The following PDGFC variants were observed in gnomAD, a reference collection of about 807,000 sequenced individuals.
The protein encoded by PDGFC is platelet-derived growth factor C.
In PDGFC, 12 loss-of-function variants were observed where a neutral mutation model predicts 35.5. That is an observed-to-expected ratio of 0.34 (90% CI 0.22 to 0.55). The LOEUF (loss-of-function observed/expected upper bound fraction) is 0.55. Ranked by LOEUF, PDGFC falls within the 20% of genes least tolerant of loss-of-function variation. The pLI is 0.91. For missense variants in PDGFC, 322 were observed against 412.4 expected (o/e 0.78, Z 1.90); for synonymous variants, 159 against 148.8 (o/e 1.07, Z -0.50).
intron 1 of PDGFC, among the ~76,000 whole-genome samples, chr4:156,964,852 G>A (rs998048264): frequency 1.3e-5 from 2 of 152,144 alleles, no homozygotes; most frequent in African/African-American, 4.8e-5. Context: ...CACACATGTT[G>A]CTGAGTTCTA....
At position 156,920,644 on chromosome 4, in the gene PDGFC, A is replaced by AACACACAC. The variant is rs10611712; in HGVS notation, c.118+50134_118+50141dup. Among the ~76,000 whole-genome samples the AACACACAC allele has an allele frequency of 5.5e-4, 73 of 132,046 alleles. 2 individuals are homozygous for AACACACAC. The East Asian group carries it at 0.011, about 19-fold the overall frequency. The allele number at this position is 132,046 out of a possible 152,430, so 86.6% of individuals were successfully genotyped here. A position where few individuals can be genotyped will look rare whatever the true frequency, so the allele number is the denominator to read the frequency against. On this transcript the variant is annotated intron_variant, in intron 1 of 5. Coordinates refer to ENST00000502773, the MANE Select transcript of PDGFC (RefSeq NM_016205.3). The stretch of plus-strand genomic sequence containing the variant: ...TTAGAAAAGCTTAACAGGAAAAGAA[A>AACACACAC]ACACACACACACACACACACACACA...
intron 1 of PDGFC, among the ~76,000 whole-genome samples, chr4:156,950,726 A>C (rs886914159): frequency 6.6e-6 from 1 of 151,850 alleles, no homozygotes; most frequent in Non-Finnish European, 1.5e-5. Context: ...AAATCAGAAA[A>C]AAAATCTATT....
At chr4:156,964,861 T>C (rs753374274) in intron 1 of PDGFC, among the ~76,000 whole-genome samples, 1 of 152,196 alleles carries the variant, frequency 6.6e-6, no homozygotes, top group African/African-American at 2.4e-5. Flanking sequence ...TGCTGAGTTC[T>C]AGCCTGTGCA....
intron 1 of PDGFC, among the ~76,000 whole-genome samples, chr4:156,871,415 A>T (rs1021917686): frequency 5.3e-5 from 8 of 152,180 alleles, no homozygotes; most frequent in Non-Finnish European, 1.0e-4. Flanking sequence ...TTTGATTTCC[A>T]AATTTGACTG....
At chr4:156,824,327 T>TATATATACACATATACACATAC (rs1491500876) in intron 2 of PDGFC, among the ~76,000 whole-genome samples, 98 of 102,688 alleles carry the variant, frequency 9.5e-4, no homozygotes, top group South Asian at 5.2e-3. Flanking sequence ...TATATATATA[T>TATATATACACATATACACATAC]ACACACACAC....
chr4:156,950,905 T>C (rs1225477974), intron 1 of PDGFC, among the ~76,000 whole-genome samples: 4 of 152,012 alleles, frequency 2.6e-5, no homozygotes, highest in Admixed American at 6.6e-5. Context: ...TTTTTCTTCA[T>C]GTAAAAATTC....
At chr4:156,891,590 C>A (rs1730512252) in intron 1 of PDGFC, among the ~76,000 whole-genome samples, 1 of 152,146 alleles carries the variant, frequency 6.6e-6, no homozygotes, top group Admixed American at 6.5e-5. Flanking sequence ...TCCTGAAAGT[C>A]TTAGGAAGTG....
intron 2 of PDGFC, among the ~76,000 whole-genome samples, chr4:156,849,072 A>G (rs1368041683): frequency 6.6e-6 from 1 of 152,068 alleles, no homozygotes; most frequent in African/African-American, 2.4e-5. Context: ...TATATAAAAA[A>G]AGACAAGAGG....
At chr4:156,835,426 A>C (rs1729039962) in intron 2 of PDGFC, among the ~76,000 whole-genome samples, 1 of 152,180 alleles carries the variant, frequency 6.6e-6, no homozygotes, top group Admixed American at 6.5e-5. Context: ...ATATTATTTA[A>C]ACTTTTATAT....
In PDGFC at chr4:156,971,303, C is replaced by G. The variant is rs1044709393; in HGVS notation, c.-400G>C. On this transcript the variant is annotated 5_prime_UTR_variant, in exon 1 of 6. Coordinates refer to ENST00000502773, the MANE Select transcript of PDGFC (RefSeq NM_016205.3). ...GGGGGACAGGACAGAGGCGAAAACT[C>G]AAGGGTTGCCCGCAGCCAGACTGGA... is the stretch of plus-strand genomic sequence containing the variant. The G allele has an allele frequency of 6.2e-5, 25 of 401,168 alleles. No homozygotes were observed. Among genetic ancestry groups the G allele is most frequent in the Admixed American group, 2.6e-4 (6 of 23,252 alleles). 24.9% of individuals were successfully genotyped at this position (401,168 alleles called of 1,614,324 possible).
chr4:156,951,070 C>T (rs1191802893), intron 1 of PDGFC, among the ~76,000 whole-genome samples: 2 of 151,820 alleles, frequency 1.3e-5, no homozygotes, highest in African/African-American at 4.8e-5. Context: ...CTTCTTACAC[C>T]CTTCTCTTCA....
At chr4:156,867,182 T>C (rs1729865477) in intron 1 of PDGFC, among the ~76,000 whole-genome samples, 1 of 152,232 alleles carries the variant, frequency 6.6e-6, no homozygotes, top group Non-Finnish European at 1.5e-5. Context: ...AAATTTTTAA[T>C]AAATCATGTA....
intron 1 of PDGFC, among the ~76,000 whole-genome samples, chr4:156,932,567 TA>T (rs1046224431): frequency 1.7e-3 from 260 of 151,362 alleles, no homozygotes; most frequent in African/African-American, 5.9e-3. Flanking sequence ...TATGCAGCCA[TA>T]AAAAATGATG....
At chr4:156,921,328 G>T (rs115471079) in intron 1 of PDGFC, among the ~76,000 whole-genome samples, 292 of 152,204 alleles carry the variant, frequency 1.9e-3, no homozygotes, top group African/African-American at 6.1e-3. Flanking sequence ...CAGAACAACA[G>T]ATAATCAGAG....
intron 2 of PDGFC, among the ~76,000 whole-genome samples, chr4:156,827,196 A>T (rs771781371): frequency 3.9e-5 from 6 of 152,142 alleles, no homozygotes; most frequent in Admixed American, 2.0e-4. Flanking sequence ...GGTGGGCGGA[A>T]CACGAGGTCA....
At position 156,926,371 on chromosome 4, in the gene PDGFC, A is replaced by AGGG. The variant is rs576858598; in HGVS notation, c.118+44412_118+44414dup. On this transcript the variant is annotated intron_variant, in intron 1 of 5. Transcript: ENST00000502773. ...GACAAAACCATAAAAATGATACAGG[A>AGGG]GGGGAGGAGGGAAGTACTGGGTAGA... Among the ~76,000 whole-genome samples the AGGG allele has an allele frequency of 3.5e-3, 527 of 152,182 alleles. 4 individuals are homozygous for AGGG. The highest frequency in any genetic ancestry group is 0.012 in the African/African-American group (495 of 41,544).
intron 2 of PDGFC, among the ~76,000 whole-genome samples, chr4:156,841,104 G>C (rs1444114428): frequency 6.6e-6 from 1 of 151,628 alleles, no homozygotes; most frequent in East Asian, 1.9e-4. Context: ...CTGTTGGAAA[G>C]TGATGACTGT....
intron 3 of PDGFC, chr4:156,778,213 C>A (rs183174069): frequency 4.8e-5 from 19 of 395,496 alleles, no homozygotes; most frequent in African/African-American, 3.7e-4. Flanking sequence ...TTGTGAGAAG[C>A]CAAGTATACT....
At chr4:156,808,421 T>C (rs921057902) in intron 3 of PDGFC, among the ~76,000 whole-genome samples, 3 of 152,002 alleles carry the variant, frequency 2.0e-5, no homozygotes, top group South Asian at 2.1e-4. Flanking sequence ...AATGAGACCG[T>C]TGCCTCTGGG....
Sources: allele counts gnomAD v4.1 joint callset (sites outside exome capture counted in the v4.1 genomes callset), GRCh38; gene constraint gnomAD v4.1.1; transcripts MANE v1.5; gene names NCBI Gene and HGNC (gene_info 2026-07-23, HGNC 2026-07-21).